RSF1: variants seen among roughly 807,000 people sequenced by gnomAD.
RSF1 encodes the protein remodeling and spacing factor 1.
Under a neutral mutation model 145.2 loss-of-function variants are expected in RSF1, and 13 were observed. The observed-to-expected ratio is 0.09, with a 90% CI of 0.06 to 0.14. The LOEUF (loss-of-function observed/expected upper bound fraction) is 0.14. RSF1 is among the 10% of genes least tolerant of loss of function. RSF1 has a pLI of 1.00. For synonymous variants in RSF1, 577 were observed against 592.6 expected (o/e 0.97, Z 0.38); for missense variants, 1,517 against 1,718.2 (o/e 0.88, Z 2.07).
At chr11:77,683,641 T>A in intron 11 of RSF1, 69 bp downstream of exon 11, 1 of 987,006 alleles carries the variant, frequency 1.0e-6, no homozygotes, top group Non-Finnish European at 1.6e-6. Context: ...AAGCATATAC[T>A]TCTGGATCAT....
intron 6 of RSF1, 116 bp downstream of exon 6, chr11:77,700,605 C>T: frequency 2.9e-6 from 2 of 696,730 alleles, no homozygotes; most frequent in Non-Finnish European, 4.6e-6. Flanking sequence ...GTATCTCAGA[C>T]AGAGGAAGAA....
In RSF1 at chr11:77,675,082, G is replaced by A. The variant is rs140160269; in HGVS notation, c.3516C>T (p.Ser1172=). The A allele has an allele frequency of 1.7e-4, 279 of 1,613,888 alleles. 1 individual carries two copies. In the African/African-American group the frequency reaches 3.1e-3, roughly 18 times the overall value. Residue 1172 remains serine, a synonymous_variant, in exon 14 of 16, where the codon TCC becomes TCT. Transcript: ENST00000308488. The stretch of plus-strand genomic sequence containing the variant: ...CAGATTCCTCCTCTTCATCATCATC[G>A]GAATATTTTTTCTTTGGGGTCTTTC... ...LRRKTPKKKY[S]DDDEEEESEE...
rs77194538 is a variant in RSF1, at chr11:77,695,943, C to T, written c.2716-2332G>A. On this transcript the variant is annotated intron_variant, in intron 7 of 15. Transcript: ENST00000308488. The stretch of plus-strand genomic sequence containing the variant: ...ATTTACACTTTATTTATTTGCTCAA[C>T]CCTAGTATAGATGAAGTTTCTGCAA... Among the ~76,000 whole-genome samples the T allele has an allele frequency of 3.7e-3, 566 of 152,244 alleles. 22 individuals carry two copies. In the East Asian group the frequency reaches 0.096, roughly 26 times the overall value.
intron 3 of RSF1, among the ~76,000 whole-genome samples, chr11:77,744,485 T>C (rs1947978261): frequency 6.6e-6 from 1 of 151,920 alleles, no homozygotes; most frequent in Non-Finnish European, 1.5e-5. Context: ...TAAAATATTT[T>C]ACAGAGAAGT....
chr11:77,742,668 A>T (rs539352168), intron 3 of RSF1, among the ~76,000 whole-genome samples: 1 of 152,296 alleles, frequency 6.6e-6, no homozygotes, highest in South Asian at 2.1e-4. Context: ...GCATGAAGTG[A>T]TACTCCACTG....
chr11:77,672,022 A>G lies in RSF1; in HGVS notation c.3751+20T>C, dbSNP rs1959567055. ...TTTTGCCCTGTCCAAACTTCTATAT[A>G]TAGGAGACCTATGCCTTACCTTCAC... is the stretch of plus-strand genomic sequence containing the variant. On this transcript the variant is annotated intron_variant, in intron 15 of 15. Coordinates refer to ENST00000308488, the MANE Select transcript of RSF1 (RefSeq NM_016578.4). The G allele has an allele frequency of 1.3e-6, 2 of 1,596,004 alleles. No homozygotes were observed. Among genetic ancestry groups the G allele is most frequent in the Middle Eastern group, 1.7e-4 (1 of 5,950 alleles).
intron 5 of RSF1, among the ~76,000 whole-genome samples, chr11:77,723,333 T>C (rs1960980947): frequency 6.6e-6 from 1 of 152,094 alleles, no homozygotes; most frequent in South Asian, 2.1e-4. Context: ...TGATGGCACA[T>C]GCCTGTAGTC....
At chr11:77,767,775 T>C (rs113162408) in intron 1 of RSF1, among the ~76,000 whole-genome samples, 3,278 of 152,272 alleles carry the variant, frequency 0.022, 93 homozygotes, top group African/African-American at 0.069. Context: ...CATTAAGCAG[T>C]TGGCTAAAAC....
chr11:77,747,441 C>G (rs1449977046), intron 2 of RSF1, among the ~76,000 whole-genome samples: 2 of 152,142 alleles, frequency 1.3e-5, no homozygotes, highest in African/African-American at 4.8e-5. Context: ...CTCCAAATGG[C>G]TGGAAGTTCC....
chr11:77,774,428 C>T (rs1439216152), intron 1 of RSF1, among the ~76,000 whole-genome samples: 2 of 151,666 alleles, frequency 1.3e-5, no homozygotes, highest in African/African-American at 4.8e-5. Flanking sequence ...AAAAATTAGC[C>T]AGGCATGGTG....
In RSF1 at chr11:77,694,808, C is replaced by T. The variant is rs552181924; in HGVS notation, c.2716-1197G>A. On this transcript the variant is annotated intron_variant, in intron 7 of 15. Transcript: ENST00000308488. ...TTTGTTAGTATCCCCAGTACGTAAC[C>T]GTTTCTTGGTCCTTCTTTGTCTTCC... Among the ~76,000 whole-genome samples the T allele has an allele frequency of 1.8e-4, 27 of 152,258 alleles. No homozygotes were observed. In the South Asian group the frequency reaches 5.4e-3, roughly 30 times the overall value.
intron 6 of RSF1, among the ~76,000 whole-genome samples, chr11:77,699,029 C>G (rs1017520504): frequency 2.0e-5 from 3 of 151,972 alleles, no homozygotes; most frequent in African/African-American, 4.8e-5. Context: ...TAGTTGTTTC[C>G]CATGTTTTTC....
rs568486612 is a variant in RSF1, at chr11:77,791,419, T to C, written c.188-26730A>G. ...GACCTCCGACATGCCCTGGAGACATTTTCCCCATTGTCTTGGGGATTAACA... is the reference window on the plus strand; with the variant it reads ...GACCTCCGACATGCCCTGGAGACATCTTCCCCATTGTCTTGGGGATTAACA... On this transcript the variant is annotated intron_variant, in intron 1 of 15. Coordinates refer to ENST00000308488, the MANE Select transcript of RSF1 (RefSeq NM_016578.4). Among the ~76,000 whole-genome samples, 6 of 152,290 alleles carry C rather than the reference T, an allele frequency of 3.9e-5. No individual in the cohort carries two copies. In the East Asian group the frequency reaches 7.7e-4, roughly 20 times the overall value.
At chr11:77,813,687 C>T (rs765441842) in intron 1 of RSF1, 19 of 483,736 alleles carry the variant, frequency 3.9e-5, no homozygotes, top group South Asian at 7.5e-5. Flanking sequence ...AGCTGCTGCA[C>T]GGCTTCCTGA....
intron 11 of RSF1, among the ~76,000 whole-genome samples, chr11:77,683,502 G>A (rs568603824): frequency 3.3e-5 from 5 of 150,970 alleles, no homozygotes; most frequent in South Asian, 2.1e-4. Context: ...TCAGGCATTC[G>A]AGACCAGCCT....
chr11:77,735,651 G>A (rs1411142182), intron 4 of RSF1, among the ~76,000 whole-genome samples: 2 of 152,096 alleles, frequency 1.3e-5, no homozygotes, highest in East Asian at 3.9e-4. Context: ...TACTAGCTAA[G>A]AAAAGCACCT....
chr11:77,670,509 T>G (rs896071626), intron 15 of RSF1, among the ~76,000 whole-genome samples: 40 of 152,214 alleles, frequency 2.6e-4, no homozygotes, highest in African/African-American at 9.4e-4. Context: ...ATATTCTACT[T>G]ATCTATCTTG....
intron 15 of RSF1, among the ~76,000 whole-genome samples, chr11:77,667,924 C>T (rs909091041): frequency 1.3e-5 from 2 of 151,954 alleles, no homozygotes; most frequent in Non-Finnish European, 2.9e-5. Context: ...AAGCTGGTCT[C>T]GAACTCCTGA....
chr11:77,820,651 T>C lies in RSF1; in HGVS notation c.64A>G (p.Asn22Asp). ...AAGAAGGAGCAGACTACGGCGAAGT[T>C]GGGGCACGAACCCGGGCAGCCCGGA... ...APPGCPGSCP[N>D]FAVVCSFLER... Residue 22 changes from asparagine (N) to aspartate (D), a missense_variant, in exon 1 of 16, where the codon AAC becomes GAC. Asn to Asp is a conservative substitution (Grantham distance 23, BLOSUM62 1). This residue lies in a region of RSF1 where 85 missense variants were observed against 91.8 expected (regional missense o/e 0.93). Transcript: ENST00000308488. 1 of 1,561,160 alleles carries C rather than the reference T, an allele frequency of 6.4e-7. No homozygotes were observed. The highest frequency in any genetic ancestry group is 8.7e-7 in the Non-Finnish European group (1 of 1,154,214).
Sources: gnomAD v4.1 joint callset for allele counts (sites outside exome capture counted in the v4.1 genomes callset) on GRCh38, gnomAD v4.1.1 for gene constraint, gnomAD v4.1.1 regional missense constraint, MANE v1.5 for transcripts, NCBI Gene and HGNC (gene_info 2026-07-23, HGNC 2026-07-21) for gene names.